IL36B: variants seen among roughly 807,000 people sequenced by gnomAD.
IL36B encodes the protein interleukin-36 beta.
A neutral mutation model predicts 19.3 loss-of-function variants in IL36B; 23 were observed. The ratio of observed to expected loss-of-function variants is 1.19; its 90% CI spans 0.86 to 1.69. The LOEUF (loss-of-function observed/expected upper bound fraction) is 1.69, where lower values mean the gene tolerates loss of function less well. Among genes scored for constraint, IL36B ranks in the 40% most tolerant of loss-of-function variants. The pLI is 0.00. For missense variants in IL36B, 217 were observed against 200.5 expected, an observed-to-expected ratio of 1.08 and a Z score of -0.50; for synonymous variants, 59 against 59.7, an observed-to-expected ratio of 0.99 and a Z score of 0.05.
chr2:113,023,156 T>C (rs1204713108), intron 5 of IL36B, among the ~76,000 whole-genome samples: 1 of 152,246 alleles, frequency 6.6e-6, no homozygotes, highest in Non-Finnish European at 1.5e-5. Context: ...GGAGGGACTG[T>C]TACCTACCAA....
At chr2:113,050,248 A>C (rs1685419276) in intron 1 of IL36B, among the ~76,000 whole-genome samples, 1 of 152,234 alleles carries the variant, frequency 6.6e-6, no homozygotes, top group Non-Finnish European at 1.5e-5. Context: ...AATGTGGTAC[A>C]CACACCACAC....
intron 1 of IL36B, among the ~76,000 whole-genome samples, chr2:113,044,298 GTGTGTGTGTGA>G (rs1685311085): frequency 1.3e-5 from 1 of 79,704 alleles, no homozygotes; most frequent in African/African-American, 5.8e-5. Context: ...GTGTGTGTGT[GTGTGTGTGTGA>G]ATTTAGAAAC....
chr2:113,048,433 C>T (rs931584083), intron 1 of IL36B, among the ~76,000 whole-genome samples: 1 of 152,122 alleles, frequency 6.6e-6, no homozygotes, highest in Non-Finnish European at 1.5e-5. Flanking sequence ...CAGAGTGAGA[C>T]TCTGCCTCAA....
intron 5 of IL36B, among the ~76,000 whole-genome samples, chr2:113,023,049 C>T (rs1224434078): frequency 6.6e-6 from 1 of 152,166 alleles, no homozygotes; most frequent in Non-Finnish European, 1.5e-5. Flanking sequence ...CCCCTCACTT[C>T]CCTAATCCAG....
At chr2:113,030,704 G>A (rs1279368450) in intron 3 of IL36B, among the ~76,000 whole-genome samples, 1 of 151,758 alleles carries the variant, frequency 6.6e-6, no homozygotes, top group Admixed American at 6.6e-5. Context: ...GTGGAAAGAT[G>A]ACGGAGTTTG....
At chr2:113,038,275 C>T (rs1685194619) in intron 1 of IL36B, among the ~76,000 whole-genome samples, 1 of 152,206 alleles carries the variant, frequency 6.6e-6, no homozygotes, top group Admixed American at 6.5e-5. Context: ...ACCAGATCCT[C>T]ACTCCCAGTT....
At chr2:113,026,376 C>A (rs969554724) in intron 4 of IL36B, 5 of 1,334,118 alleles carry the variant, frequency 3.7e-6, no homozygotes, top group South Asian at 3.0e-5. Context: ...AAAGAGAATG[C>A]GGGGCACTGA....
At chr2:113,044,288 G>A (rs1055557386) in intron 1 of IL36B, among the ~76,000 whole-genome samples, 1 of 131,768 alleles carries the variant, frequency 7.6e-6, no homozygotes. Flanking sequence ...GTGTGTGTGT[G>A]TGTGTGTGTG....
At chr2:113,051,750 C>T (rs1036200481) in intron 1 of IL36B, among the ~76,000 whole-genome samples, 2 of 152,160 alleles carry the variant, frequency 1.3e-5, no homozygotes, top group African/African-American at 2.4e-5. Context: ...CTTCTGCTCA[C>T]GGCTCCCTGG....
chr2:113,041,272 T>C (rs1268679754), intron 1 of IL36B, among the ~76,000 whole-genome samples: 1 of 152,104 alleles, frequency 6.6e-6, no homozygotes, highest in East Asian at 1.9e-4. Flanking sequence ...AATGTCTTAC[T>C]AGCAGCATGA....
intron 1 of IL36B, among the ~76,000 whole-genome samples, chr2:113,049,899 G>A (rs1045529329): frequency 6.6e-6 from 1 of 151,946 alleles, no homozygotes; most frequent in South Asian, 2.1e-4. Flanking sequence ...AGGTTGAAGT[G>A]AGCTGAGATC....
intron 1 of IL36B, among the ~76,000 whole-genome samples, chr2:113,033,959 G>T (rs962930150): frequency 2.4e-4 from 36 of 152,154 alleles, no homozygotes. Flanking sequence ...ATCCACCATT[G>T]ACTCTATCTT....
intron 1 of IL36B, among the ~76,000 whole-genome samples, chr2:113,034,348 A>T (rs1050978996): frequency 5.9e-5 from 9 of 152,208 alleles, no homozygotes; most frequent in Non-Finnish European, 1.2e-4. Flanking sequence ...TATGCAAAAA[A>T]GCCAACTTCT....
At chr2:113,046,462 GC>G (rs1243168303) in intron 1 of IL36B, among the ~76,000 whole-genome samples, 5 of 151,990 alleles carry the variant, frequency 3.3e-5, no homozygotes, top group Admixed American at 2.6e-4. Flanking sequence ...GCCCACCTCG[GC>G]CCCCAAAGTG....
At chr2:113,031,186 C>T (rs768861941) in intron 2 of IL36B, 31 bp from the exon 3 acceptor site, 13 of 1,481,548 alleles carry the variant, frequency 8.8e-6, no homozygotes, top group East Asian at 4.5e-5. Context: ...ACAAAATACA[C>T]GTGAGGTTAT....
intron 1 of IL36B, among the ~76,000 whole-genome samples, chr2:113,037,378 G>A (rs1273511940): frequency 6.6e-6 from 1 of 152,170 alleles, no homozygotes; most frequent in Admixed American, 6.5e-5. Context: ...GGCTGGGTGT[G>A]GTGGCTCACA....
intron 1 of IL36B, among the ~76,000 whole-genome samples, chr2:113,040,262 T>C (rs1451134321): frequency 6.6e-6 from 1 of 152,188 alleles, no homozygotes; most frequent in African/African-American, 2.4e-5. Context: ...AACTTCAACA[T>C]GTTAAAATAG....
chr2:113,029,148 G>T, intron 3 of IL36B, 70 bp from the exon 4 acceptor site: 2 of 1,491,098 alleles, frequency 1.3e-6, no homozygotes, highest in South Asian at 1.3e-5. Flanking sequence ...ACTCCCCCCA[G>T]GTAGGGAATA....
chr2:113,030,767 G>A (rs934749056), intron 3 of IL36B, among the ~76,000 whole-genome samples: 10 of 152,208 alleles, frequency 6.6e-5, no homozygotes. Context: ...GAAACTCCAA[G>A]GAGAAGGTTA....
Sources: gnomAD v4.1 joint callset for allele counts (sites outside exome capture counted in the v4.1 genomes callset) on GRCh38, gnomAD v4.1.1 for gene constraint, MANE v1.5 for transcripts, NCBI Gene and HGNC (gene_info 2026-07-23, HGNC 2026-07-21) for gene names.